Variants in PANX1 observed in about 807,000 individuals in gnomAD.
PANX1 encodes the protein pannexin 1, also known as pannexin-1.
Under a neutral mutation model 38.7 loss-of-function variants are expected in PANX1, and 30 were observed. That is an observed-to-expected ratio of 0.78 (90% CI 0.58 to 1.05). The LOEUF is 1.05. PANX1 is among the 50% of genes least tolerant of loss of function. The pLI, the probability that PANX1 is intolerant of heterozygous loss-of-function variation, is 0.00. For synonymous variants in PANX1, 230 were observed against 212.2 expected (o/e 1.08, Z -0.73); for missense variants, 551 against 517.2 (o/e 1.07, Z -0.63).
At chr11:94,132,087 A>C (rs1301751102) in intron 1 of PANX1, among the ~76,000 whole-genome samples, 2 of 152,188 alleles carry the variant, frequency 1.3e-5, no homozygotes, top group East Asian at 3.8e-4. Context: ...CTGTCTATGC[A>C]TGTTTTGCAT....
chr11:94,147,806 T>C (rs934204377), intron 1 of PANX1, among the ~76,000 whole-genome samples: 7 of 152,200 alleles, frequency 4.6e-5, no homozygotes, highest in African/African-American at 1.7e-4. Context: ...AGTGCTGTCT[T>C]GACAGTGCCG....
rs1345620510 is a variant in PANX1, at chr11:94,168,747, A to C, written c.322-9622A>C. Among the ~76,000 whole-genome samples, 2 of 151,610 alleles carry C rather than the reference A, an allele frequency of 1.3e-5. 1 individual carries two copies. The highest frequency in any genetic ancestry group is 4.9e-5 in the African/African-American group (2 of 40,906). On this transcript the variant is annotated intron_variant, in intron 2 of 4. Transcript: ENST00000227638. ...GATTGCTTGTGGCCAGATTTGGCTC[A>C]GGGGCAGCAGTTTGCTGATCCTTGG...
chr11:94,158,931 G>C (rs138919265), intron 2 of PANX1, among the ~76,000 whole-genome samples: 8,468 of 152,160 alleles, frequency 0.056, 808 homozygotes, highest in African/African-American at 0.19. Flanking sequence ...CCATCAATAC[G>C]TAATTTATTG....
rs1177903618 is a variant in PANX1 at position 94,178,597 on chromosome 11, C to T, written c.545+5C>T. On this transcript the variant is annotated splice_donor_5th_base_variant and intron_variant, in intron 3 of 4. Coordinates refer to ENST00000227638, the MANE Select transcript of PANX1 (RefSeq NM_015368.4). ...TACCGAGAACTTAGGGCAAAGGTAA[C>T]TTAGCCCCAGCAGGCAGCTCATCGG... The T allele has an allele frequency of 1.2e-6, 2 of 1,607,594 alleles. No homozygotes were observed. Among genetic ancestry groups the T allele is most frequent in the East Asian group, 2.2e-5 (1 of 44,802 alleles).
chr11:94,174,524 C>T lies in PANX1; in HGVS notation c.322-3845C>T, dbSNP rs371605123. ...ACCTCTTTTATGAAGCTTCCCTGAC[C>T]ACCTCCCCAGGGACTTTTCTGTTCC... On this transcript the variant is annotated intron_variant, in intron 2 of 4. Transcript: ENST00000227638. 2.6e-5 allele frequency among the ~76,000 whole-genome samples: 4 copies of T among 151,600 alleles called. No homozygotes were observed. The East Asian group carries it at 5.8e-4, about 22-fold the overall frequency.
rs1947296814 is a variant in PANX1, at chr11:94,180,775, T to A, written c.1202-15T>A. On this transcript the variant is annotated splice_polypyrimidine_tract_variant and intron_variant, in intron 4 of 4. Transcript: ENST00000227638. ...CTATGTTTCTGTCATAAATATTTGT[T>A]TTCAATTTTGACAGGTATGAACATA... 1 of 1,378,664 alleles carries A rather than the reference T, an allele frequency of 7.3e-7. No individual in the cohort carries two copies. Among genetic ancestry groups the A allele is most frequent in the Non-Finnish European group, 1.0e-6 (1 of 967,852 alleles). The allele number at this position is 1,378,664 out of a possible 1,614,324, so 85.4% of individuals were successfully genotyped here. A position where few individuals can be genotyped will look rare whatever the true frequency, so the allele number is the denominator to read the frequency against.
chr11:94,156,764 T>TG, intron 2 of PANX1, among the ~76,000 whole-genome samples: 1 of 151,962 alleles, frequency 6.6e-6, no homozygotes, highest in South Asian at 2.1e-4. Flanking sequence ...TTAGGGTACA[T>TG]GTGCACAACA....
chr11:94,136,754 C>T (rs1229287986), intron 1 of PANX1, among the ~76,000 whole-genome samples: 1 of 151,696 alleles, frequency 6.6e-6, no homozygotes. Context: ...GGCGACAGAG[C>T]GAGACTCCGT....
chr11:94,133,783 C>A (rs1591502530), intron 1 of PANX1, among the ~76,000 whole-genome samples: 1 of 152,196 alleles, frequency 6.6e-6, no homozygotes, highest in African/African-American at 2.4e-5. Context: ...CACCAGCCCT[C>A]ATTTTTCCTT....
chr11:94,173,359 A>G (rs1433694070), intron 2 of PANX1, among the ~76,000 whole-genome samples: 2 of 151,610 alleles, frequency 1.3e-5, no homozygotes, highest in Admixed American at 1.3e-4. Flanking sequence ...TGTGCTGCCA[A>G]ATCCTGAATT....
At chr11:94,160,621 C>T (rs1186219700) in intron 2 of PANX1, among the ~76,000 whole-genome samples, 1 of 152,142 alleles carries the variant, frequency 6.6e-6, no homozygotes, top group African/African-American at 2.4e-5. Flanking sequence ...ATGTTTGTCT[C>T]TGCATGTGAG....
rs1296994060 is a variant in PANX1, at chr11:94,180,027, G to A, written c.971G>A (p.Gly324Glu). Residue 324 changes from glycine to glutamate, a missense_variant, in exon 4 of 5, where the codon GGG becomes GAG. Transcript: ENST00000227638. ...GATGTTCTGCATTTCAAATCTGAAG[G>A]GTACAACGATTTGAGCCTCTACAAT... ...TFDVLHFKSE[G>E]YNDLSLYNLF... is the part of the protein sequence containing the mutation. 1 of 1,603,242 alleles carries A rather than the reference G, an allele frequency of 6.2e-7. No individual in the cohort carries two copies. The highest frequency in any genetic ancestry group is 8.5e-7 in the Non-Finnish European group (1 of 1,172,630).
At chr11:94,169,689 G>C (rs943704322) in intron 2 of PANX1, among the ~76,000 whole-genome samples, 1 of 151,586 alleles carries the variant, frequency 6.6e-6, no homozygotes, top group African/African-American at 2.4e-5. Flanking sequence ...ATGCCCACAG[G>C]GGGCTGGATT....
rs371984398 is a variant in PANX1, at chr11:94,141,517, G to A, written c.182-11974G>A. Reference sequence around the variant, plus strand: ...ATCCTAGAGAGACTGACAGGTCTCCGCTTGTTTTCCTTGGCTTATGAAATA... The same window carrying A: ...ATCCTAGAGAGACTGACAGGTCTCCACTTGTTTTCCTTGGCTTATGAAATA... On this transcript the variant is annotated intron_variant, in intron 1 of 4. Transcript: ENST00000227638. 5.6e-4 allele frequency among the ~76,000 whole-genome samples: 85 copies of A among 152,008 alleles called. 2 individuals are homozygous for A. Among genetic ancestry groups the A allele is most frequent in the African/African-American group, 2.0e-3 (82 of 41,444 alleles).
chr11:94,152,397 C>T (rs555200712), intron 1 of PANX1, among the ~76,000 whole-genome samples: 1 of 152,338 alleles, frequency 6.6e-6, no homozygotes, highest in East Asian at 1.9e-4. Context: ...AGCTGTGACT[C>T]ACCCTGCTGA....
At chr11:94,136,187 T>G (rs1946687051) in intron 1 of PANX1, among the ~76,000 whole-genome samples, 1 of 151,296 alleles carries the variant, frequency 6.6e-6, no homozygotes, top group Non-Finnish European at 1.5e-5. Flanking sequence ...CTATTTGAAA[T>G]AAGTGGAAGA....
rs759209475 is a variant in PANX1, at chr11:94,178,604, C to T, written c.545+12C>T. ...AACTTAGGGCAAAGGTAACTTAGCCCCAGCAGGCAGCTCATCGGGTTTTGT... is the reference window on the plus strand; with the variant it reads ...AACTTAGGGCAAAGGTAACTTAGCCTCAGCAGGCAGCTCATCGGGTTTTGT... On this transcript the variant is annotated intron_variant, in intron 3 of 4. Transcript: ENST00000227638. 6.3e-7 allele frequency: 1 copy of T among 1,598,586 alleles called. No homozygotes were observed. The highest frequency in any genetic ancestry group is 1.3e-5 in the African/African-American group (1 of 74,662).
At chr11:94,165,614 A>G (rs772940362) in intron 2 of PANX1, among the ~76,000 whole-genome samples, 7 of 152,352 alleles carry the variant, frequency 4.6e-5, no homozygotes, top group Non-Finnish European at 7.3e-5. Flanking sequence ...TTCCGTTTAA[A>G]ATAATTGGTT....
intron 2 of PANX1, among the ~76,000 whole-genome samples, chr11:94,154,620 G>T (rs771421947): frequency 6.6e-6 from 1 of 152,150 alleles, no homozygotes; most frequent in South Asian, 2.1e-4. Flanking sequence ...TTCGTAAAAG[G>T]AATGATTTAA....
Sources: allele counts gnomAD v4.1 joint callset (sites outside exome capture counted in the v4.1 genomes callset), GRCh38; gene constraint gnomAD v4.1.1; transcripts MANE v1.5; gene names NCBI Gene and HGNC (gene_info 2026-07-23, HGNC 2026-07-21).